MTG1: variants seen among roughly 807,000 people sequenced by gnomAD.
The protein encoded by MTG1 is mitochondrial ribosome associated GTPase 1.
Under a neutral mutation model 39.5 loss-of-function variants are expected in MTG1, and 30 were observed. The observed-to-expected ratio is 0.76, with a 90% confidence interval of 0.57 to 1.03. MTG1 has a LOEUF of 1.03. Ranked by LOEUF, MTG1 falls within the 50% of genes least tolerant of loss-of-function variation. The pLI is 0.00. For missense variants in MTG1, 513 were observed against 447.4 expected, an observed-to-expected ratio of 1.15 and a Z score of -1.32; for synonymous variants, 217 against 179.0, an observed-to-expected ratio of 1.21 and a Z score of -1.69.
chr10:133,406,742 T>C (rs947697663), intron 9 of MTG1, among the ~76,000 whole-genome samples: 1 of 146,774 alleles, frequency 6.8e-6, no homozygotes, highest in Non-Finnish European at 1.5e-5. Context: ...CTCGGCTCGC[T>C]GCAACCCCTG....
In MTG1 at chr10:133,420,474, G is replaced by A. The variant is rs1467503569; in HGVS notation, c.*309G>A. 1.2e-5 allele frequency: 4 copies of A among 338,310 alleles called. No homozygotes were observed. The highest frequency in any genetic ancestry group is 2.1e-5 in the Non-Finnish European group (4 of 188,052). The allele number at this position is 338,310 out of a possible 1,614,324, so 21.0% of individuals were successfully genotyped here. ...TCAGAAGGAGTTAAAGCTATAACCTGTAACCTTTAAAATCTCCAGTTAAAG... is the reference window on the plus strand; with the variant it reads ...TCAGAAGGAGTTAAAGCTATAACCTATAACCTTTAAAATCTCCAGTTAAAG... On this transcript the variant is annotated 3_prime_UTR_variant, in exon 11 of 11. Coordinates refer to ENST00000317502, the MANE Select transcript of MTG1 (RefSeq NM_138384.4).
At position 133,394,230 on chromosome 10, in the gene MTG1, A is replaced by G; in HGVS notation, c.10A>G (p.Thr4Ala). ...CGGGGACGGTGCCGCCATGAGATTGACCCCGCGCGCGCTGTGCAGCGCCGC... is the reference window on the plus strand; with the variant it reads ...CGGGGACGGTGCCGCCATGAGATTGGCCCCGCGCGCGCTGTGCAGCGCCGC... MRL[T>A]PRALCSAAQA... The change falls in exon 1 of 11, where the codon ACC becomes GCC. Residue 4 changes from threonine (T) to alanine (A), a missense_variant. Physicochemically the swap from Thr to Ala is moderately conservative, Grantham distance 58 (BLOSUM62 0). Coordinates refer to ENST00000317502, the MANE Select transcript of MTG1 (RefSeq NM_138384.4). The G allele has an allele frequency of 1.3e-6, 2 of 1,516,508 alleles. No homozygotes were observed. The highest frequency in any genetic ancestry group is 2.7e-5 in the East Asian group (1 of 37,228). The allele number at this position is 1,516,508 out of a possible 1,614,324, so 93.9% of individuals were successfully genotyped here. A position where few individuals can be genotyped will look rare whatever the true frequency, so the allele number is the denominator to read the frequency against.
rs1233778057 is a variant in MTG1 at position 133,420,196 on chromosome 10, G to C, written c.*31G>C. On this transcript the variant is annotated 3_prime_UTR_variant, in exon 11 of 11. Coordinates refer to ENST00000317502, the MANE Select transcript of MTG1 (RefSeq NM_138384.4). ...TCCGGGTAGGGAGGGCCGGAGGCAT[G>C]TGGCCTCCCAGACCTCCTGACCTGG... The C allele has an allele frequency of 6.3e-7, 1 of 1,581,928 alleles. No homozygotes were observed. The highest frequency in any genetic ancestry group is 8.6e-7 in the Non-Finnish European group (1 of 1,164,146).
At chr10:133,399,800 G>T in intron 6 of MTG1, 181 bp downstream of exon 6, 1 of 544,060 alleles carries the variant, frequency 1.8e-6, no homozygotes, top group Non-Finnish European at 3.3e-6. Flanking sequence ...GCTGAACAGT[G>T]GGACCAGGTC....
intron 9 of MTG1, among the ~76,000 whole-genome samples, chr10:133,412,719 C>T (rs754317561): frequency 6.6e-6 from 1 of 152,188 alleles, no homozygotes; most frequent in Non-Finnish European, 1.5e-5. Flanking sequence ...TTGAAGAGAA[C>T]AGTCTGGCTA....
At chr10:133,418,887 A>G (rs1850177932) in intron 9 of MTG1, among the ~76,000 whole-genome samples, 1 of 152,174 alleles carries the variant, frequency 6.6e-6, no homozygotes, top group African/African-American at 2.4e-5. Flanking sequence ...CAGAGCCTGC[A>G]CTGTGAGGAG....
At chr10:133,418,056 T>A (rs1329561162) in intron 9 of MTG1, among the ~76,000 whole-genome samples, 2 of 152,194 alleles carry the variant, frequency 1.3e-5, no homozygotes, top group Non-Finnish European at 2.9e-5. Flanking sequence ...CAGGCTACAG[T>A]GCAGTGGCAC....
At chr10:133,408,071 C>T (rs192155638) in intron 9 of MTG1, among the ~76,000 whole-genome samples, 7 of 152,244 alleles carry the variant, frequency 4.6e-5, no homozygotes, top group East Asian at 1.9e-4. Context: ...CTTTCTCTTG[C>T]CTAATTGTTC....
chr10:133,411,640 CT>C (rs1409485188), intron 9 of MTG1, among the ~76,000 whole-genome samples: 2 of 152,004 alleles, frequency 1.3e-5, no homozygotes, highest in African/African-American at 4.8e-5. Flanking sequence ...CCTTTTCATT[CT>C]TCTTTTTTCT....
intron 9 of MTG1, among the ~76,000 whole-genome samples, chr10:133,410,544 T>A (rs1850030503): frequency 6.6e-6 from 1 of 152,226 alleles, no homozygotes; most frequent in Admixed American, 6.5e-5. Context: ...TGCTTTGTAT[T>A]TTTAGTCTAT....
chr10:133,404,579 T>A (rs1203386319), intron 9 of MTG1, among the ~76,000 whole-genome samples: 1 of 152,252 alleles, frequency 6.6e-6, no homozygotes, highest in African/African-American at 2.4e-5. Context: ...GTTTATCAGC[T>A]AGATCTTTTC....
chr10:133,418,513 C>G (rs1435133291), intron 9 of MTG1, among the ~76,000 whole-genome samples: 1 of 151,874 alleles, frequency 6.6e-6, no homozygotes, highest in African/African-American at 2.4e-5. Context: ...TTTGGAGCAC[C>G]AGGGCACCCT....
chr10:133,419,720 G>C, intron 10 of MTG1, 128 bp downstream of exon 10: 1 of 807,492 alleles, frequency 1.2e-6, no homozygotes. Context: ...TCTGGGAATG[G>C]GTTTCAGGGC....
rs1005798396 is a variant in MTG1 at position 133,420,337 on chromosome 10, C to T, written c.*172C>T. Reference sequence around the variant, plus strand: ...GCTCCAGGGACCCCAGTTGCAGGGCCCAAGCAGGTGGGAGTGGACACCAGG... The same window carrying T: ...GCTCCAGGGACCCCAGTTGCAGGGCTCAAGCAGGTGGGAGTGGACACCAGG... On this transcript the variant is annotated 3_prime_UTR_variant, in exon 11 of 11. Transcript: ENST00000317502. 6 of 721,540 alleles carry T rather than the reference C, an allele frequency of 8.3e-6. No individual in the cohort carries two copies. In the Admixed American group the frequency reaches 2.1e-4, roughly 25 times the overall value. The allele number at this position is 721,540 out of a possible 1,614,324, so 44.7% of individuals were successfully genotyped here.
intron 9 of MTG1, among the ~76,000 whole-genome samples, chr10:133,406,544 C>T (rs978805892): frequency 7.9e-5 from 12 of 151,674 alleles, no homozygotes; most frequent in African/African-American, 2.9e-4. Flanking sequence ...ATTATTTTTG[C>T]TTTTGTTGCC....
chr10:133,419,051 A>G (rs189393833), intron 9 of MTG1, among the ~76,000 whole-genome samples: 14 of 152,330 alleles, frequency 9.2e-5, no homozygotes, highest in African/African-American at 3.1e-4. Context: ...ACCGAGTGCC[A>G]TCCTTAGCAG....
chr10:133,403,817 G>A (rs1849924925), intron 9 of MTG1, among the ~76,000 whole-genome samples: 1 of 152,072 alleles, frequency 6.6e-6, no homozygotes, highest in African/African-American at 2.4e-5. Context: ...TGGATCATAG[G>A]GGAGGCATAT....
At chr10:133,399,447 TC>T (rs1418331813) in intron 5 of MTG1, 81 bp from the exon 6 acceptor site, 3 of 1,418,808 alleles carry the variant, frequency 2.1e-6, no homozygotes, top group Non-Finnish European at 3.0e-6. Context: ...TGGCCTGGGG[TC>T]CCCTTGCCTG....
chr10:133,394,763 C>G (rs1849755807), intron 1 of MTG1: 1 of 988,856 alleles, frequency 1.0e-6, no homozygotes, highest in Non-Finnish European at 1.2e-6. Context: ...TAACTGGTAT[C>G]TTGAGTCGTT....
Sources: gnomAD v4.1 joint callset for allele counts (sites outside exome capture counted in the v4.1 genomes callset) on GRCh38, gnomAD v4.1.1 for gene constraint, MANE v1.5 for transcripts, NCBI Gene and HGNC (gene_info 2026-07-23, HGNC 2026-07-21) for gene names.